The following SHANK2 variants were observed in gnomAD, a reference collection of about 807,000 sequenced individuals.
SHANK2 encodes the protein SH3 and multiple ankyrin repeat domains 2.
SHANK2 carries 43 observed loss-of-function variants against 133.7 expected under a neutral mutation model. The observed-to-expected ratio is 0.32, with a 90% CI of 0.25 to 0.41. SHANK2 has a LOEUF of 0.41. Ranked by LOEUF, SHANK2 falls within the 10% of genes least tolerant of loss-of-function variation. SHANK2 has a pLI of 1.00. For missense variants in SHANK2, 1,994 were observed against 2,235.8 expected (o/e 0.89, Z 2.18); for synonymous variants, 1,017 against 952.8 (o/e 1.07, Z -1.24).
chr11:70,518,065 T>C, intron 17 of SHANK2, among the ~76,000 whole-genome samples: 1 of 152,186 alleles, frequency 6.6e-6, no homozygotes, highest in East Asian at 1.9e-4. Context: ...AAGTTTTTAT[T>C]ATGGAAGAAG....
At chr11:70,880,916 C>A (rs1555072302) in intron 11 of SHANK2, among the ~76,000 whole-genome samples, 1 of 152,232 alleles carries the variant, frequency 6.6e-6, no homozygotes, top group African/African-American at 2.4e-5. Flanking sequence ...AGTCATGAGA[C>A]TAAGCAGGGG....
intron 10 of SHANK2, among the ~76,000 whole-genome samples, chr11:70,900,352 C>CAA (rs113157970): frequency 2.3e-5 from 3 of 132,596 alleles, no homozygotes; most frequent in African/African-American, 5.5e-5. Flanking sequence ...GACTCGGTGT[C>CAA]AAAAAAAAAA....
chr11:70,885,242 T>G (rs868923440), intron 11 of SHANK2, among the ~76,000 whole-genome samples: 1 of 151,012 alleles, frequency 6.6e-6, no homozygotes, highest in African/African-American at 2.4e-5. Context: ...TAGGGCACAG[T>G]GGAGACTCTC....
intron 21 of SHANK2, among the ~76,000 whole-genome samples, chr11:70,496,120 G>A (rs1363842007): frequency 2.0e-5 from 3 of 152,184 alleles, no homozygotes; most frequent in South Asian, 2.1e-4. Flanking sequence ...TGCAGGGGAA[G>A]GCCTGGGCGC....
rs71049962 is a variant in SHANK2 at position 71,210,210 on chromosome 11, GTATATATATATATA to G, written c.-13+14473_-13+14486del. ...GGTCCTCTTCATTGGAAATCCACAG[GTATATATATATATA>G]TATATATATATATATATATATATAT... is the stretch of plus-strand genomic sequence containing the variant. On this transcript the variant is annotated intron_variant, in intron 2 of 25. Transcript: ENST00000601538. Among the ~76,000 whole-genome samples, 110 of 54,064 alleles carry G rather than the reference GTATATATATATATA, an allele frequency of 2.0e-3. 3 individuals carry two copies. In the East Asian group the frequency reaches 0.029, roughly 14 times the overall value. 35.5% of individuals were successfully genotyped at this position (54,064 alleles called of 152,430 possible). A position where few individuals can be genotyped will look rare whatever the true frequency, so the allele number is the denominator to read the frequency against.
Position 70,485,998 on chromosome 11 carries a change from G to A in SHANK2, c.4295C>T (p.Pro1432Leu), listed in dbSNP as rs782179707. The A allele has an allele frequency of 1.4e-5, 23 of 1,613,954 alleles. No homozygotes were observed. Among genetic ancestry groups the A allele is most frequent in the Middle Eastern group, 1.6e-4 (1 of 6,062 alleles). ...CTGCTTCACTAAGTCTGAGAGAGCC[G>A]GGACAGAAGCTGCCCGGTCATCGGG... ...DIPDDRAASV[P>L]ALSDLVKQKK... The change falls in exon 25 of 26, where the codon CCG becomes CTG. Residue 1432 changes from proline to leucine, a missense_variant. Physicochemically the swap from Pro to Leu is moderately conservative, Grantham distance 98. Coordinates refer to ENST00000601538, the MANE Select transcript of SHANK2 (RefSeq NM_012309.5). The surrounding 1 kb of genome is among the most constrained non-coding windows in gnomAD (Gnocchi z 5.8).
At chr11:71,173,710 T>C (rs548781648) in intron 2 of SHANK2, among the ~76,000 whole-genome samples, 2 of 152,348 alleles carry the variant, frequency 1.3e-5, no homozygotes, top group South Asian at 4.1e-4. Flanking sequence ...TTGAGAATAT[T>C]TGCAGATGTA....
At chr11:70,839,703 A>G (rs1285342161) in intron 11 of SHANK2, among the ~76,000 whole-genome samples, 15 of 152,096 alleles carry the variant, frequency 9.9e-5, no homozygotes, top group Admixed American at 2.6e-4. Flanking sequence ...CCCTTTTTAG[A>G]TCGAGGTGTC....
chr11:71,195,810 G>C (rs1315439030), intron 2 of SHANK2, among the ~76,000 whole-genome samples: 1 of 152,190 alleles, frequency 6.6e-6, no homozygotes, highest in Non-Finnish European at 1.5e-5. Context: ...TCTTTTCTGA[G>C]GGGAAATCTT....
At chr11:71,196,151 T>C (rs1953897917) in intron 2 of SHANK2, among the ~76,000 whole-genome samples, 1 of 151,132 alleles carries the variant, frequency 6.6e-6, no homozygotes, top group Admixed American at 6.6e-5. Context: ...ATCACACCAC[T>C]GCACTCCAAC....
Position 70,487,777 on chromosome 11 carries a change from C to G in SHANK2, c.2573-57G>C. ...CACAATAGCAACAAAGCCTAAGTTC[C>G]TAGGAACGTGCGATACGCTACATCT... is the stretch of plus-strand genomic sequence containing the variant. On this transcript the variant is annotated intron_variant, in intron 24 of 25. Coordinates refer to ENST00000601538, the MANE Select transcript of SHANK2 (RefSeq NM_012309.5). This position sits in a 1 kb window ranked among gnomAD's most constrained non-coding sequence, Gnocchi z 5.8. 6.5e-7 allele frequency: 1 copy of G among 1,549,950 alleles called. No individual in the cohort carries two copies. The highest frequency in any genetic ancestry group is 1.2e-5 in the South Asian group (1 of 83,894).
At chr11:70,685,089 G>A (rs1555019183) in intron 15 of SHANK2, among the ~76,000 whole-genome samples, 1 of 152,028 alleles carries the variant, frequency 6.6e-6, no homozygotes, top group Non-Finnish European at 1.5e-5. Context: ...CCCAGATGGT[G>A]TGGCCAGAGG....
chr11:71,100,471 G>A (rs1218518222), intron 6 of SHANK2, among the ~76,000 whole-genome samples: 6 of 152,188 alleles, frequency 3.9e-5, no homozygotes, highest in African/African-American at 4.8e-5. Flanking sequence ...AACACGATAC[G>A]AAGGAAGCTT....
intron 12 of SHANK2, among the ~76,000 whole-genome samples, chr11:70,817,545 ATGGT>A (rs1948424526): frequency 6.6e-6 from 1 of 152,202 alleles, no homozygotes. Flanking sequence ...GCAAACCTGA[ATGGT>A]TGGTCACTCT....
chr11:71,233,083 G>A (rs1253139558), intron 1 of SHANK2, among the ~76,000 whole-genome samples: 1 of 152,068 alleles, frequency 6.6e-6, no homozygotes, highest in Non-Finnish European at 1.5e-5. Flanking sequence ...GGGCCGAGGT[G>A]GGAGGGTGGC....
At chr11:70,608,605 T>G (rs1207369959) in intron 17 of SHANK2, among the ~76,000 whole-genome samples, 6 of 152,192 alleles carry the variant, frequency 3.9e-5, no homozygotes, top group African/African-American at 1.4e-4. Context: ...TGAGAGCTAC[T>G]GTCCCTCCTC....
intron 10 of SHANK2, among the ~76,000 whole-genome samples, chr11:70,918,731 C>T (rs1321569489): frequency 1.3e-5 from 2 of 152,136 alleles, no homozygotes; most frequent in Non-Finnish European, 2.9e-5. Flanking sequence ...GTCTTGAACT[C>T]CTGACCTCAA....
At chr11:71,085,251 G>T (rs887277555) in intron 8 of SHANK2, among the ~76,000 whole-genome samples, 2 of 151,760 alleles carry the variant, frequency 1.3e-5, no homozygotes, top group Non-Finnish European at 2.9e-5. Context: ...GAGGTCAGGA[G>T]TTCGAGACAA....
chr11:70,896,779 C>T (rs1278850005), intron 10 of SHANK2, among the ~76,000 whole-genome samples: 4 of 152,160 alleles, frequency 2.6e-5, no homozygotes, highest in Non-Finnish European at 4.4e-5. Context: ...ATAAGGTTGT[C>T]GTTGCTCTAC....
Sources: allele counts gnomAD v4.1 joint callset (sites outside exome capture counted in the v4.1 genomes callset), GRCh38; gene constraint gnomAD v4.1.1; non-coding constraint Gnocchi (gnomAD v3.1); transcripts MANE v1.5; gene names NCBI Gene and HGNC (gene_info 2026-07-23, HGNC 2026-07-21).